SHANK2: variants seen among roughly 807,000 people sequenced by gnomAD.
The protein encoded by SHANK2 is SH3 and multiple ankyrin repeat domains 2.
Under a neutral mutation model 133.7 loss-of-function variants are expected in SHANK2, and 43 were observed. The ratio of observed to expected loss-of-function variants is 0.32; its 90% CI spans 0.25 to 0.41. The LOEUF is 0.41. Ranked by LOEUF, SHANK2 falls within the 10% of genes least tolerant of loss-of-function variation. The pLI is 1.00. For synonymous variants in SHANK2, 1,017 were observed against 952.8 expected (o/e 1.07, Z -1.24); for missense variants, 1,994 against 2,235.8 (o/e 0.89, Z 2.18).
chr11:70,683,338 ACT>A (rs1403998035), intron 15 of SHANK2, among the ~76,000 whole-genome samples: 45 of 151,464 alleles, frequency 3.0e-4, no homozygotes, highest in Admixed American at 3.0e-3. Context: ...AGCGAGCTCC[ACT>A]CTGCCGTTTC....
chr11:70,608,624 C>A (rs1364189417), intron 17 of SHANK2, among the ~76,000 whole-genome samples: 1 of 152,210 alleles, frequency 6.6e-6, no homozygotes, highest in African/African-American at 2.4e-5. Flanking sequence ...TCCTCTTGGC[C>A]GAGCCTGGGC....
intron 14 of SHANK2, among the ~76,000 whole-genome samples, chr11:70,718,956 A>C (rs1253310876): frequency 2.6e-5 from 4 of 152,134 alleles, no homozygotes; most frequent in African/African-American, 9.7e-5. Context: ...TCAGCTGGGG[A>C]TAATCACGAA....
At chr11:70,943,415 A>G (rs563231203) in intron 10 of SHANK2, among the ~76,000 whole-genome samples, 1 of 152,282 alleles carries the variant, frequency 6.6e-6, no homozygotes, top group African/African-American at 2.4e-5. Context: ...CCCAGGCTTG[A>G]AGCACCTTGA....
chr11:71,070,760 T>A (rs1209267125), intron 9 of SHANK2, among the ~76,000 whole-genome samples: 15 of 152,258 alleles, frequency 9.9e-5, no homozygotes, highest in African/African-American at 3.6e-4. Context: ...ACAGTGGCAG[T>A]TGAATCGTTA....
chr11:71,244,470 G>A (rs1391740925), intron 1 of SHANK2, among the ~76,000 whole-genome samples: 5 of 152,208 alleles, frequency 3.3e-5, no homozygotes, highest in African/African-American at 1.2e-4. Flanking sequence ...GTGCAGCCCC[G>A]GGAACCAGCC....
chr11:70,755,890 T>C (rs570440273), intron 14 of SHANK2, among the ~76,000 whole-genome samples: 1 of 152,300 alleles, frequency 6.6e-6, no homozygotes, highest in African/African-American at 2.4e-5. Flanking sequence ...ACAAGTTTAT[T>C]TCCATCTTAC....
intron 24 of SHANK2, among the ~76,000 whole-genome samples, chr11:70,488,029 G>A (rs1351118487): frequency 6.6e-6 from 1 of 152,232 alleles, no homozygotes; most frequent in Admixed American, 6.5e-5. Flanking sequence ...CTGACGCTGA[G>A]CCGTGTGCCA....
intron 8 of SHANK2, among the ~76,000 whole-genome samples, chr11:71,088,484 T>C (rs904745887): frequency 1.3e-5 from 2 of 152,258 alleles, no homozygotes; most frequent in South Asian, 4.1e-4. Flanking sequence ...ACAAGACTCA[T>C]TATCCATTTG....
At chr11:70,501,795 G>A in intron 20 of SHANK2, 128 bp downstream of exon 20, 1 of 920,694 alleles carries the variant, frequency 1.1e-6, no homozygotes, top group South Asian at 1.5e-5. Context: ...GGAGGATGGA[G>A]CCTTCTGGTC....
chr11:70,878,544 T>C (rs1186165448), intron 11 of SHANK2, among the ~76,000 whole-genome samples: 1 of 152,114 alleles, frequency 6.6e-6, no homozygotes, highest in Non-Finnish European at 1.5e-5. Flanking sequence ...GCATGGTGGG[T>C]TTGGACCCTG....
intron 2 of SHANK2, among the ~76,000 whole-genome samples, chr11:71,223,441 C>T (rs193217653): frequency 3.1e-4 from 47 of 152,328 alleles, no homozygotes; most frequent in African/African-American, 1.0e-3. Flanking sequence ...CATGTACAGA[C>T]ATTTTTCTTG....
chr11:70,939,495 T>G (rs1402845195), intron 10 of SHANK2, among the ~76,000 whole-genome samples: 4 of 151,772 alleles, frequency 2.6e-5, no homozygotes, highest in Non-Finnish European at 5.9e-5. Flanking sequence ...AATAGTAAAA[T>G]AAAACAAATA....
intron 17 of SHANK2, among the ~76,000 whole-genome samples, chr11:70,599,891 A>AAAGAAAGAAAGAAAGAAAGAAAGAAAG (rs1565166130): frequency 5.5e-5 from 4 of 72,110 alleles, no homozygotes; most frequent in East Asian, 7.9e-4. Context: ...AAGAAAGAAA[A>AAAGAAAGAAAGAAAGAAAGAAAGAAAG]AGAAAGAAAG....
chr11:70,501,163 C>T (rs138665593), intron 20 of SHANK2, among the ~76,000 whole-genome samples: 2 of 152,332 alleles, frequency 1.3e-5, no homozygotes, highest in East Asian at 1.9e-4. Context: ...GGTGGGGCAG[C>T]GCCACTGCAG....
In SHANK2 at chr11:70,500,583, G is replaced by T. The variant is rs1555158203; in HGVS notation, c.2295C>A (p.Val765=). The T allele has an allele frequency of 3.7e-6, 6 of 1,603,622 alleles. No homozygotes were observed. The highest frequency in any genetic ancestry group is 4.3e-6 in the Non-Finnish European group (5 of 1,175,220). ...ELEELVDKAS[V]RKKKDKPEEI... The stretch of plus-strand genomic sequence containing the variant: ...GGCCTCCCTTACCCTTCTTCTTCCG[G>T]ACCGAGGCTTGCAAACAGAAAGGGG... Residue 765 remains valine (V), a synonymous_variant, in exon 21 of 26, where the codon GTC becomes GTA. Coordinates refer to ENST00000601538, the MANE Select transcript of SHANK2 (RefSeq NM_012309.5). This position sits in a 1 kb window ranked among gnomAD's most constrained non-coding sequence, Gnocchi z 4.5.
chr11:71,172,910 G>A (rs1174822768), intron 2 of SHANK2, among the ~76,000 whole-genome samples: 1 of 152,230 alleles, frequency 6.6e-6, no homozygotes, highest in East Asian at 1.9e-4. Flanking sequence ...AAATGCACGA[G>A]CACAGCAAAT....
intron 17 of SHANK2, among the ~76,000 whole-genome samples, chr11:70,608,412 C>A (rs1030732032): frequency 6.6e-6 from 1 of 152,166 alleles, no homozygotes; most frequent in Admixed American, 6.5e-5. Flanking sequence ...CTTTTTCTCT[C>A]GAACACCCCA....
chr11:70,654,638 A>T (rs1322751140), intron 17 of SHANK2, among the ~76,000 whole-genome samples: 1 of 152,108 alleles, frequency 6.6e-6, no homozygotes, highest in Non-Finnish European at 1.5e-5. Flanking sequence ...ATCATTTTTA[A>T]TGCTTTCTTA....
intron 15 of SHANK2, among the ~76,000 whole-genome samples, chr11:70,676,534 G>A (rs567564537): frequency 5.3e-5 from 8 of 152,360 alleles, no homozygotes; most frequent in Non-Finnish European, 8.8e-5. Context: ...GTCACTGCCC[G>A]TGCAATGGAT....
Sources: allele counts gnomAD v4.1 joint callset (sites outside exome capture counted in the v4.1 genomes callset), GRCh38; gene constraint gnomAD v4.1.1; non-coding constraint Gnocchi (gnomAD v3.1); transcripts MANE v1.5; gene names NCBI Gene and HGNC (gene_info 2026-07-23, HGNC 2026-07-21).